Variants in CCDC150 observed in about 807,000 individuals in gnomAD.
CCDC150 encodes coiled-coil domain-containing protein 150.
In CCDC150, 151 loss-of-function variants were observed where a neutral mutation model predicts 156.5. The observed-to-expected ratio is 0.97, with a 90% CI of 0.85 to 1.10. The LOEUF (loss-of-function observed/expected upper bound fraction) is 1.10. CCDC150 is among the 50% of genes least tolerant of loss of function. The probability of loss-of-function intolerance (pLI) is 0.00; values close to 1 mark genes in which losing one functional copy is unlikely to be tolerated. For synonymous variants in CCDC150, 452 were observed against 429.4 expected, an observed-to-expected ratio of 1.05 and a Z score of -0.65; for missense variants, 1,312 against 1,268.1, an observed-to-expected ratio of 1.03 and a Z score of -0.53.
rs774210865 is a variant in CCDC150, at chr2:196,712,237, G to A, written c.1788G>A (p.Gln596=). 3 of 1,534,494 alleles carry A rather than the reference G, an allele frequency of 2.0e-6. No individual in the cohort carries two copies. The highest frequency in any genetic ancestry group is 2.7e-6 in the Non-Finnish European group (3 of 1,128,108). ...DHLRKMNKYL[Q]TKYAQANSEL... is the part of the protein sequence containing the mutation. ...TACGCAAGATGAATAAGTATTTACA[G>A]ACTAAATATGCTCAGGTGTGATTAA... The change falls in exon 16 of 28, where the codon CAG becomes CAA. Residue 596 remains glutamine, a synonymous_variant. Coordinates refer to ENST00000389175, the MANE Select transcript of CCDC150 (RefSeq NM_001080539.2).
At chr2:196,729,049 T>C in intron 22 of CCDC150, 144 bp from the exon 23 acceptor site, 2 of 720,518 alleles carry the variant, frequency 2.8e-6, no homozygotes, top group East Asian at 5.5e-5. Flanking sequence ...GCTCCATAAA[T>C]CTGCTTAATC....
intron 6 of CCDC150, among the ~76,000 whole-genome samples, chr2:196,666,045 T>G (rs930224715): frequency 2.0e-5 from 3 of 152,168 alleles, no homozygotes; most frequent in African/African-American, 4.8e-5. Flanking sequence ...ATTGCCCTGG[T>G]CTCATGCTGT....
At chr2:196,720,090 C>T (rs866317933) in intron 19 of CCDC150, 3 of 398,418 alleles carry the variant, frequency 7.5e-6, no homozygotes, top group South Asian at 1.9e-5. Context: ...TTAGGTGAAT[C>T]ATTCTGAGAA....
chr2:196,661,696 C>T (rs1254244939), intron 5 of CCDC150, among the ~76,000 whole-genome samples: 2 of 152,082 alleles, frequency 1.3e-5, no homozygotes, highest in African/African-American at 4.8e-5. Flanking sequence ...AAAATAGATA[C>T]AAAATCTGGA....
In CCDC150 at chr2:196,639,842, TAAG is replaced by T. The variant is rs538383942; in HGVS notation, c.12+65_12+67del. On this transcript the variant is annotated intron_variant, in intron 1 of 27. Coordinates refer to ENST00000389175, the MANE Select transcript of CCDC150 (RefSeq NM_001080539.2). Reference sequence around the variant, plus strand: ...GAGGCTCGCGAGGCTTCGGCTCAGATAAGGACAGTCACCACTCCCTGGCGCCCT... The same window carrying T: ...GAGGCTCGCGAGGCTTCGGCTCAGATGACAGTCACCACTCCCTGGCGCCCT... 1.6e-4 allele frequency: 241 copies of T among 1,464,258 alleles called. 3 individuals are homozygous for T. In the South Asian group the frequency reaches 3.2e-3, roughly 19 times the overall value. 90.7% of individuals were successfully genotyped at this position (1,464,258 alleles called of 1,614,324 possible).
chr2:196,663,557 AAAT>A, intron 5 of CCDC150, among the ~76,000 whole-genome samples: 1 of 152,146 alleles, frequency 6.6e-6, no homozygotes, highest in Non-Finnish European at 1.5e-5. Flanking sequence ...TATCTTAATG[AAAT>A]AATCAGAAAT....
intron 4 of CCDC150, among the ~76,000 whole-genome samples, chr2:196,658,426 A>G (rs754961975): frequency 1.1e-4 from 17 of 152,088 alleles, no homozygotes; most frequent in Non-Finnish European, 5.9e-5. Context: ...CACGAATAAT[A>G]TTTGAAGCTG....
At chr2:196,653,978 A>G (rs1047376781) in intron 2 of CCDC150, among the ~76,000 whole-genome samples, 3 of 152,104 alleles carry the variant, frequency 2.0e-5, no homozygotes, top group Non-Finnish European at 4.4e-5. Flanking sequence ...GAGCAGGTGA[A>G]GAAGAAGAAG....
intron 9 of CCDC150, among the ~76,000 whole-genome samples, chr2:196,673,925 G>A (rs1694351397): frequency 1.3e-5 from 2 of 152,118 alleles, no homozygotes; most frequent in South Asian, 4.1e-4. Flanking sequence ...TACTGACATT[G>A]TAAATTCCAT....
chr2:196,718,058 G>T (rs1697645438), intron 17 of CCDC150, among the ~76,000 whole-genome samples: 1 of 152,128 alleles, frequency 6.6e-6, no homozygotes, highest in African/African-American at 2.4e-5. Context: ...AGGATATGAG[G>T]TTCTAATACT....
chr2:196,723,794 G>A (rs980678618), intron 21 of CCDC150, among the ~76,000 whole-genome samples: 22 of 152,146 alleles, frequency 1.4e-4, no homozygotes, highest in African/African-American at 5.3e-4. Context: ...TCCTCCAGAT[G>A]GCCAGTTTCT....
intron 1 of CCDC150, among the ~76,000 whole-genome samples, chr2:196,642,522 C>T (rs1243448291): frequency 6.6e-6 from 1 of 152,134 alleles, no homozygotes; most frequent in African/African-American, 2.4e-5. Flanking sequence ...ATTGAAAGTT[C>T]TTATCTCATA....
intron 8 of CCDC150, among the ~76,000 whole-genome samples, chr2:196,672,111 T>C (rs1266521510): frequency 1.3e-5 from 2 of 152,210 alleles, no homozygotes; most frequent in African/African-American, 4.8e-5. Flanking sequence ...TGTGTAGTGG[T>C]ATCTCATTAT....
At chr2:196,714,601 G>T (rs1324050119) in intron 17 of CCDC150, among the ~76,000 whole-genome samples, 7 of 152,164 alleles carry the variant, frequency 4.6e-5, no homozygotes. Context: ...TTTTCCTTTT[G>T]ATCCAGCTTT....
At chr2:196,687,642 C>G (rs980642289) in intron 13 of CCDC150, among the ~76,000 whole-genome samples, 4 of 152,166 alleles carry the variant, frequency 2.6e-5, no homozygotes, top group African/African-American at 9.7e-5. Flanking sequence ...GTTGCGATTG[C>G]TTTTGACGTC....
rs753663984 is a variant in CCDC150, at chr2:196,726,117, G to T, written c.2556+18G>T. ...TGGCTGAGGTATAGTCATGAGAAAAGTTTCTCTTTTGGTGAATGCCTCTTA... is the reference window on the plus strand; with the variant it reads ...TGGCTGAGGTATAGTCATGAGAAAATTTTCTCTTTTGGTGAATGCCTCTTA... On this transcript the variant is annotated intron_variant, in intron 22 of 27. Transcript: ENST00000389175. 6.2e-6 allele frequency: 10 copies of T among 1,611,352 alleles called. No homozygotes were observed. The highest frequency in any genetic ancestry group is 8.5e-6 in the Non-Finnish European group (10 of 1,178,560).
intron 14 of CCDC150, among the ~76,000 whole-genome samples, chr2:196,699,166 C>T (rs376828055): frequency 6.6e-6 from 1 of 152,124 alleles, no homozygotes; most frequent in Non-Finnish European, 1.5e-5. Context: ...ACATTTTGCT[C>T]AGGTTATTTT....
chr2:196,697,760 A>C (rs143738735), intron 14 of CCDC150, among the ~76,000 whole-genome samples: 1 of 152,192 alleles, frequency 6.6e-6, no homozygotes, highest in South Asian at 2.1e-4. Context: ...CCAGTATCCT[A>C]CTGGTTTTGT....
Position 196,646,413 on chromosome 2 carries a change from T to A in CCDC150, c.85T>A (p.Phe29Ile). 1.2e-6 allele frequency: 2 copies of A among 1,613,780 alleles called. No individual in the cohort carries two copies. The highest frequency in any genetic ancestry group is 1.7e-6 in the Non-Finnish European group (2 of 1,179,688). ...CATCAACGCTACAGCTTCTGAAACA[T>A]TCACAGTACTTCAGCAAAGGATGAG... ...THINATASET[F>I]TVLQQRMRIV... The change falls in exon 2 of 28, where the codon TTC becomes ATC. Residue 29 changes from phenylalanine (F) to isoleucine (I), a missense_variant. Physicochemically the swap from Phe to Ile is conservative, Grantham distance 21 (BLOSUM62 0). Transcript: ENST00000389175.
Sources: allele counts gnomAD v4.1 joint callset (sites outside exome capture counted in the v4.1 genomes callset), GRCh38; gene constraint gnomAD v4.1.1; transcripts MANE v1.5; gene names NCBI Gene and HGNC (gene_info 2026-07-23, HGNC 2026-07-21).